DYRK1B: variants seen among roughly 807,000 people sequenced by gnomAD.
DYRK1B encodes the protein dual specificity tyrosine phosphorylation regulated kinase 1B.
DYRK1B carries 20 observed loss-of-function variants against 57.1 expected under a neutral mutation model. The observed-to-expected ratio is 0.35, with a 90% CI of 0.25 to 0.51. The LOEUF (loss-of-function observed/expected upper bound fraction) is 0.51, where lower values mean the gene tolerates loss of function less well. Among genes scored for constraint, DYRK1B ranks in the 20% least tolerant of loss-of-function variants. The probability of loss-of-function intolerance (pLI) is 0.96; values close to 1 mark genes in which losing one functional copy is unlikely to be tolerated. For synonymous variants in DYRK1B, 409 were observed against 384.7 expected (o/e 1.06, Z -0.74); for missense variants, 732 against 886.3 (o/e 0.83, Z 2.21).
rs1324236868 is a variant in DYRK1B, at chr19:39,826,865, G to A, written c.1218C>T (p.Asp406=). Residue 406 remains aspartate (D), a synonymous_variant, in exon 9 of 11, where the codon GAC becomes GAT. Transcript: ENST00000323039. This position sits in a 1 kb window ranked among gnomAD's most constrained non-coding sequence, Gnocchi z 6.3. The stretch of plus-strand genomic sequence containing the variant: ...CATACTCCAGCATGCGCAGCACCAG[G>A]TCCTGGAAGCGGAGGTAGTCGGCGG... ...HSPADYLRFQ[D]LVLRMLEYEP... 2.1e-6 allele frequency: 3 copies of A among 1,439,512 alleles called. No individual in the cohort carries two copies. Among genetic ancestry groups the A allele is most frequent in the South Asian group, 1.4e-5 (1 of 69,830 alleles). The allele number at this position is 1,439,512 out of a possible 1,614,324, so 89.2% of individuals were successfully genotyped here.
At position 39,830,407 on chromosome 19, in the gene DYRK1B, C is replaced by A. The variant is rs201768057; in HGVS notation, c.340G>T (p.Asp114Tyr). 16 of 1,614,028 alleles carry A rather than the reference C, an allele frequency of 9.9e-6. No individual in the cohort carries two copies. The highest frequency in any genetic ancestry group is 1.4e-5 in the Non-Finnish European group (16 of 1,180,040). ...GERWLERYEI[D>Y]SLIGKGSFGQ... is the part of the protein sequence containing the mutation. ...AAGGAGCCTTTGCCAATGAGCGAGT[C>A]AATTTCGTAGCGCTCCAGCCAGCGC... is the stretch of plus-strand genomic sequence containing the variant. The change falls in exon 4 of 11, where the codon GAC becomes TAC. Residue 114 changes from aspartate to tyrosine, a missense_variant. Asp to Tyr is a radical substitution (Grantham distance 160). Coordinates refer to ENST00000323039, the MANE Select transcript of DYRK1B (RefSeq NM_004714.3).
intron 1 of DYRK1B, chr19:39,833,411 G>C (rs1006443610): frequency 6.3e-6 from 6 of 958,826 alleles, no homozygotes; most frequent in Non-Finnish European, 7.4e-6. Flanking sequence ...GCGGCGGGGA[G>C]GGCAAGCGGG....
chr19:39,829,808 T>C, intron 5 of DYRK1B, 72 bp downstream of exon 5: 1 of 1,548,272 alleles, frequency 6.5e-7, no homozygotes, highest in South Asian at 1.2e-5. Context: ...AGGGCGGGGG[T>C]GTGACCCATC....
At chr19:39,829,801 G>A (rs769215992) in intron 5 of DYRK1B, 79 bp downstream of exon 5, 4 of 1,528,900 alleles carry the variant, frequency 2.6e-6, no homozygotes, top group Non-Finnish European at 1.8e-6. Flanking sequence ...TGAGAGTAGG[G>A]CGGGGGTGTG....
chr19:39,826,637 C>A lies in DYRK1B; in HGVS notation c.1411+35G>T. The stretch of plus-strand genomic sequence containing the variant: ...ACAGGCCAAACCTGAGCAGCCCCCA[C>A]CCGTTGTACCCCATTTGGGCACCTG... On this transcript the variant is annotated intron_variant, in intron 9 of 10. Transcript: ENST00000323039. This position sits in a 1 kb window ranked among gnomAD's most constrained non-coding sequence, Gnocchi z 6.3. 4 of 1,542,950 alleles carry A rather than the reference C, an allele frequency of 2.6e-6. No homozygotes were observed. Among genetic ancestry groups the A allele is most frequent in the Non-Finnish European group, 3.5e-6 (4 of 1,146,986 alleles).
At chr19:39,833,105 T>A (rs1245511380) in intron 1 of DYRK1B, 2 of 985,268 alleles carry the variant, frequency 2.0e-6, no homozygotes, top group African/African-American at 3.5e-5. Flanking sequence ...AGCAAAAATC[T>A]TCTCCCCATG....
rs1173404423 is a variant in DYRK1B, at chr19:39,826,421, G to C, written c.1412-135C>G. ...AAGAGCAGAGCCCATCTGAAGCACCGGGCCCAATTCTGAGATTCTGGGTTG... is the reference window on the plus strand; with the variant it reads ...AAGAGCAGAGCCCATCTGAAGCACCCGGCCCAATTCTGAGATTCTGGGTTG... On this transcript the variant is annotated intron_variant, in intron 9 of 10. Coordinates refer to ENST00000323039, the MANE Select transcript of DYRK1B (RefSeq NM_004714.3). The surrounding 1 kb of genome is among the most constrained non-coding windows in gnomAD (Gnocchi z 6.3). 6 of 858,028 alleles carry C rather than the reference G, an allele frequency of 7.0e-6. No individual in the cohort carries two copies. In the Admixed American group the frequency reaches 1.6e-4, roughly 23 times the overall value. 53.2% of individuals were successfully genotyped at this position (858,028 alleles called of 1,614,324 possible). A position where few individuals can be genotyped will look rare whatever the true frequency, so the allele number is the denominator to read the frequency against.
At chr19:39,831,695 T>C in intron 2 of DYRK1B, 110 bp downstream of exon 2, 2 of 1,353,820 alleles carry the variant, frequency 1.5e-6, no homozygotes, top group Non-Finnish European at 2.1e-6. Flanking sequence ...GGACCCATTA[T>C]GTGCCCAGAA....
In DYRK1B at chr19:39,826,942, C is replaced by G. The variant is rs763854386; in HGVS notation, c.1141G>C (p.Val381Leu). ...GTRRLQEVLG[V>L]QTGGPGGRRA... ...CGGCCCCCGGGCCCGCCCGTCTGCA[C>G]GCCCAGCACCTCCTGCAGCCGCCGT... Residue 381 changes from valine to leucine, a missense_variant, in exon 9 of 11, where the codon GTG (valine) becomes CTG (leucine). Val to Leu is a conservative substitution (Grantham distance 32). This residue lies in a region of DYRK1B where 510 missense variants were observed against 681.3 expected (regional missense o/e 0.75). Coordinates refer to ENST00000323039, the MANE Select transcript of DYRK1B (RefSeq NM_004714.3). The surrounding 1 kb of genome is among the most constrained non-coding windows in gnomAD (Gnocchi z 6.3). The G allele has an allele frequency of 1.4e-6, 2 of 1,456,438 alleles. No individual in the cohort carries two copies. Among genetic ancestry groups the G allele is most frequent in the Non-Finnish European group, 1.8e-6 (2 of 1,114,816 alleles). 90.2% of individuals were successfully genotyped at this position (1,456,438 alleles called of 1,614,324 possible).
chr19:39,825,832 G>A lies in DYRK1B; in HGVS notation c.1773C>T (p.Ala591=). Residue 591 remains alanine (A), a synonymous_variant, in exon 11 of 11, where the codon GCC becomes GCT. Coordinates refer to ENST00000323039, the MANE Select transcript of DYRK1B (RefSeq NM_004714.3). ...APAPQHPAAS[A]LRTRMTGGRP... ...GACCTCCAGTCATCCGAGTCCGGAG[G>A]GCTGAGGCAGCCGGGTGCTGGGGGG... The A allele has an allele frequency of 1.9e-6, 3 of 1,610,424 alleles. No individual in the cohort carries two copies. The highest frequency in any genetic ancestry group is 8.5e-7 in the Non-Finnish European group (1 of 1,178,778).
At position 39,828,595 on chromosome 19, in the gene DYRK1B, G is replaced by C; in HGVS notation, c.521-12C>G. On this transcript the variant is annotated splice_polypyrimidine_tract_variant and intron_variant, in intron 5 of 10. Transcript: ENST00000323039. The surrounding 1 kb of genome is among the most constrained non-coding windows in gnomAD (Gnocchi z 4.3). ...CCGCTTCAGGTGTACTGCGGGGGAG[G>C]GGAGGAAATGGGCCAGAGAAGAAAC... is the stretch of plus-strand genomic sequence containing the variant. The C allele has an allele frequency of 6.3e-7, 1 of 1,599,656 alleles. No individual in the cohort carries two copies. Among genetic ancestry groups the C allele is most frequent in the Non-Finnish European group, 8.6e-7 (1 of 1,169,330 alleles).
At chr19:39,832,139 G>T (rs1224648294) in intron 1 of DYRK1B, among the ~76,000 whole-genome samples, 171 bp from the exon 2 acceptor site, 1 of 42,338 alleles carries the variant, frequency 2.4e-5, no homozygotes, top group East Asian at 2.6e-4. Flanking sequence ...GTAGCCAGGT[G>T]GGGGGGGATG....
intron 2 of DYRK1B, among the ~76,000 whole-genome samples, chr19:39,831,043 C>T (rs919650022): frequency 6.6e-6 from 1 of 152,166 alleles, no homozygotes; most frequent in Non-Finnish European, 1.5e-5. Flanking sequence ...CCTTTCACCC[C>T]TCACCTTTAC....
chr19:39,828,625 C>G lies in DYRK1B; in HGVS notation c.521-42G>C, dbSNP rs1968656034. ...GAAATGGGCCAGAGAAGAAACGGCT[C>G]AGAGAGGGCAGGTGGTGGCCTGGGG... On this transcript the variant is annotated intron_variant, in intron 5 of 10. Transcript: ENST00000323039. The surrounding 1 kb of genome is among the most constrained non-coding windows in gnomAD (Gnocchi z 4.3). 1.3e-6 allele frequency: 2 copies of G among 1,571,986 alleles called. No homozygotes were observed. The highest frequency in any genetic ancestry group is 1.3e-5 in the African/African-American group (1 of 74,282).
intron 8 of DYRK1B, 27 bp from the exon 9 acceptor site, chr19:39,827,014 G>GGGCC: frequency 6.9e-5 from 29 of 419,554 alleles, no homozygotes; most frequent in Non-Finnish European, 1.2e-4. Flanking sequence ...GGGAGGGGGG[G>GGGCC]CAAGAGAGTG....
chr19:39,829,287 C>T (rs1304471414), intron 5 of DYRK1B, among the ~76,000 whole-genome samples: 2 of 150,138 alleles, frequency 1.3e-5, no homozygotes, highest in African/African-American at 2.5e-5. Context: ...AGTGCAGTGG[C>T]GTGGTCCCAG....
In DYRK1B at chr19:39,825,606, C is replaced by T; in HGVS notation, c.*109G>A. The T allele has an allele frequency of 8.0e-7, 1 of 1,255,898 alleles. No individual in the cohort carries two copies. Among genetic ancestry groups the T allele is most frequent in the Non-Finnish European group, 1.1e-6 (1 of 905,798 alleles). 77.8% of individuals were successfully genotyped at this position (1,255,898 alleles called of 1,614,324 possible). ...CAATCAGTGCAGGCCTCACCCACCC[C>T]AGCTGGGTAGCAGCAATTCCAGTCA... On this transcript the variant is annotated 3_prime_UTR_variant, in exon 11 of 11. Transcript: ENST00000323039.
At position 39,830,787 on chromosome 19, in the gene DYRK1B, C is replaced by A; in HGVS notation, c.64-4G>T. The A allele has an allele frequency of 6.2e-7, 1 of 1,610,400 alleles. No homozygotes were observed. On this transcript the variant is annotated splice_region_variant and splice_polypyrimidine_tract_variant and intron_variant, in intron 2 of 10. Coordinates refer to ENST00000323039, the MANE Select transcript of DYRK1B (RefSeq NM_004714.3). ...GTAGCCGCACATCAGGCAATACCTG[C>A]AGGGCAGGGTGAGGGGTGGGCACTG... is the stretch of plus-strand genomic sequence containing the variant.
rs1440416684 is a variant in DYRK1B, at chr19:39,828,253, A to T, written c.807+44T>A. On this transcript the variant is annotated intron_variant, in intron 6 of 10. Transcript: ENST00000323039. The surrounding 1 kb of genome is among the most constrained non-coding windows in gnomAD (Gnocchi z 4.3). Reference sequence around the variant, plus strand: ...CTAAGCCTCCCGTTGGCTCTGCCCCACCCAAACTACTAGCCGTGCTCCCAG... The same window carrying T: ...CTAAGCCTCCCGTTGGCTCTGCCCCTCCCAAACTACTAGCCGTGCTCCCAG... 2 of 1,596,684 alleles carry T rather than the reference A, an allele frequency of 1.3e-6. No homozygotes were observed. Among genetic ancestry groups the T allele is most frequent in the South Asian group, 2.2e-5 (2 of 88,956 alleles).
Sources: gnomAD v4.1 joint callset for allele counts (sites outside exome capture counted in the v4.1 genomes callset) on GRCh38, gnomAD v4.1.1 for gene constraint, gnomAD v4.1.1 regional missense constraint, Gnocchi (gnomAD v3.1) non-coding constraint, MANE v1.5 for transcripts, NCBI Gene and HGNC (gene_info 2026-07-23, HGNC 2026-07-21) for gene names.